Variants in QTGAL observed in about 807,000 individuals in gnomAD.
QTGAL encodes the protein BGnT-like protein 1.
chr17:82,984,959 C>T, the QTGAL span, among the ~76,000 whole-genome samples: 2 of 152,142 alleles, frequency 1.3e-5, no homozygotes, highest in East Asian at 1.9e-4. Context: ...CCCCCTCCCT[C>T]GAGTTTCCAG....
At chr17:82,957,814 GTT>G in the QTGAL span, among the ~76,000 whole-genome samples, 1 of 152,176 alleles carries the variant, frequency 6.6e-6, no homozygotes, top group South Asian at 2.1e-4. Flanking sequence ...CCCAAGTCCA[GTT>G]TCCCAGAGAA....
At chr17:82,971,023 C>CAG in the QTGAL span, among the ~76,000 whole-genome samples, 1 of 152,122 alleles carries the variant, frequency 6.6e-6, no homozygotes, top group African/African-American at 2.4e-5. Context: ...TCGTGGGGCG[C>CAG]AGTGCGTTCC....
the QTGAL span, chr17:82,942,460 C>T: frequency 2.5e-6 from 4 of 1,613,994 alleles, no homozygotes; most frequent in Non-Finnish European, 8.5e-7. Flanking sequence ...CTGGTGCCTG[C>T]TGAAGCCAGT....
chr17:82,961,631 G>A, the QTGAL span, among the ~76,000 whole-genome samples: 2 of 152,240 alleles, frequency 1.3e-5, no homozygotes, highest in African/African-American at 4.8e-5. Flanking sequence ...CAGTGGTGCT[G>A]GGTGGGCGTG....
the QTGAL span, among the ~76,000 whole-genome samples, chr17:82,968,150 T>C: frequency 6.6e-6 from 1 of 151,950 alleles, no homozygotes; most frequent in Non-Finnish European, 1.5e-5. Flanking sequence ...GCACCATCCA[T>C]GTGTGTTCAC....
the QTGAL span, among the ~76,000 whole-genome samples, chr17:83,039,286 CGCCCGCCGCCCGCCCCTCTTCT>C: frequency 2.7e-5 from 3 of 109,984 alleles, no homozygotes; most frequent in African/African-American, 1.1e-4. Flanking sequence ...CACTGCTGGG[CGCCCGCCGCCCGCCCCTCTTCT>C]AGACACACTG....
At chr17:82,960,907 T>C in the QTGAL span, 1 of 1,249,176 alleles carries the variant, frequency 8.0e-7, no homozygotes. Context: ...CGGGATGTGC[T>C]GTTGCCCCGT....
At chr17:82,993,673 C>T in the QTGAL span, among the ~76,000 whole-genome samples, 5 of 151,866 alleles carry the variant, frequency 3.3e-5, no homozygotes, top group African/African-American at 9.7e-5. Context: ...CCATTGGCTG[C>T]GGAGTACACA....
chr17:82,989,025 C>A, the QTGAL span, among the ~76,000 whole-genome samples: 1 of 152,176 alleles, frequency 6.6e-6, no homozygotes, highest in Admixed American at 6.5e-5. Context: ...GAATACAGAT[C>A]ATTCTATTAT....
the QTGAL span, chr17:82,942,919 A>C: frequency 4.8e-6 from 1 of 208,288 alleles, no homozygotes; most frequent in Non-Finnish European, 9.6e-6. Context: ...AGAGGTTCAA[A>C]TGCTAGAGAA....
the QTGAL span, among the ~76,000 whole-genome samples, chr17:83,000,066 G>A: frequency 2.6e-5 from 4 of 152,244 alleles, no homozygotes; most frequent in East Asian, 7.7e-4. Flanking sequence ...GGGTTCAAGC[G>A]ATTCTCCTGC....
chr17:83,006,376 T>C, the QTGAL span: 3 of 985,308 alleles, frequency 3.0e-6, no homozygotes, highest in African/African-American at 5.2e-5. The surrounding 1 kb of genome is among the most constrained non-coding windows in gnomAD (Gnocchi z 5.8). Flanking sequence ...GTTGTTGTTG[T>C]TTTTTAATTA....
At chr17:82,950,307 ATAG>A in the QTGAL span, among the ~76,000 whole-genome samples, 877 of 152,308 alleles carry the variant, frequency 5.8e-3, 4 homozygotes, top group Middle Eastern at 0.01. Flanking sequence ...GTGCCCCAAG[ATAG>A]TAGTGACACC....
chr17:83,010,338 G>A, the QTGAL span, among the ~76,000 whole-genome samples: 33 of 152,186 alleles, frequency 2.2e-4, no homozygotes, highest in Non-Finnish European at 4.0e-4. Context: ...CAGCCCAGCA[G>A]AGCCCGGAGG....
At chr17:82,964,779 GC>G in the QTGAL span, among the ~76,000 whole-genome samples, 1 of 107,296 alleles carries the variant, frequency 9.3e-6, no homozygotes, top group Admixed American at 9.7e-5. Flanking sequence ...ACGGACGCCT[GC>G]AGGTGCACCC....
chr17:82,970,536 C>CACCCAGCT, the QTGAL span, among the ~76,000 whole-genome samples: 2 of 101,548 alleles, frequency 2.0e-5, 1 homozygote, highest in African/African-American at 1.0e-4. Flanking sequence ...AGCGTGGCCG[C>CACCCAGCT]GACCTCCGCA....
At chr17:83,028,576 C>T in the QTGAL span, among the ~76,000 whole-genome samples, 9 of 151,428 alleles carry the variant, frequency 5.9e-5, 1 homozygote, top group East Asian at 1.7e-3. Context: ...CACCAGCCAT[C>T]AGGAAAATGT....
chr17:82,967,445 C>T, the QTGAL span, among the ~76,000 whole-genome samples: 1 of 152,036 alleles, frequency 6.6e-6, no homozygotes, highest in Non-Finnish European at 1.5e-5. Context: ...TGAGGAAGGT[C>T]GCTGGTTAAG....
the QTGAL span, among the ~76,000 whole-genome samples, chr17:83,031,166 G>A: frequency 6.6e-6 from 1 of 152,378 alleles, no homozygotes; most frequent in East Asian, 1.9e-4. Context: ...GAACACAGCA[G>A]TGTGTGCCAG....
Sources: allele counts gnomAD v4.1 joint callset (sites outside exome capture counted in the v4.1 genomes callset), GRCh38; gene constraint gnomAD v4.1.1; non-coding constraint Gnocchi (gnomAD v3.1); transcripts MANE v1.5; gene names NCBI Gene and HGNC (gene_info 2026-07-23, HGNC 2026-07-21).